Variants in TRDN observed in about 807,000 individuals in gnomAD.
TRDN encodes the protein triadin in skeletal muscle.
TRDN carries 161 observed loss-of-function variants against 149.7 expected under a neutral mutation model. The ratio of observed to expected loss-of-function variants is 1.08; its 90% CI spans 0.95 to 1.23. TRDN has a LOEUF of 1.23. TRDN is among the 50% of genes most tolerant of loss of function. The probability of loss-of-function intolerance (pLI) is 0.00; values close to 1 mark genes in which losing one functional copy is unlikely to be tolerated. For synonymous variants in TRDN, 294 were observed against 250.5 expected (o/e 1.17, Z -1.64); for missense variants, 896 against 823.5 (o/e 1.09, Z -1.08).
chr6:123,389,095 T>C (rs1474828241), intron 13 of TRDN, among the ~76,000 whole-genome samples: 1 of 152,122 alleles, frequency 6.6e-6, no homozygotes, highest in Non-Finnish European at 1.5e-5. Flanking sequence ...GAGAAAAAGG[T>C]ACAGAACACT....
chr6:123,273,150 G>A lies in TRDN; in HGVS notation c.1625-139C>T, dbSNP rs528200871. ...CCTTGTTTCTATGTAAAACTTAAAG[G>A]TTTTAGTTCATGAAAACAATATGCC... On this transcript the variant is annotated intron_variant, in intron 28 of 40. Coordinates refer to ENST00000334268, the MANE Select transcript of TRDN (RefSeq NM_006073.4). The A allele has an allele frequency of 1.0e-4, 77 of 749,442 alleles. No individual in the cohort carries two copies. The South Asian group carries it at 1.9e-3, about 18-fold the overall frequency. 46.4% of individuals were successfully genotyped at this position (749,442 alleles called of 1,614,324 possible).
At chr6:123,547,219 C>G in intron 4 of TRDN, 121 bp downstream of exon 4, 1 of 598,676 alleles carries the variant, frequency 1.7e-6, no homozygotes, top group South Asian at 2.6e-5. Flanking sequence ...GACTATAAAT[C>G]TTGACCTAAT....
At chr6:123,519,661 T>C (rs1419405044) in intron 5 of TRDN, among the ~76,000 whole-genome samples, 1 of 151,950 alleles carries the variant, frequency 6.6e-6, no homozygotes, top group Non-Finnish European at 1.5e-5. Context: ...AGCAAATCAA[T>C]TCAACCAAAC....
intron 6 of TRDN, 94 bp from the exon 7 acceptor site, chr6:123,512,456 T>C: frequency 1.5e-6 from 1 of 672,192 alleles, no homozygotes; most frequent in Non-Finnish European, 2.5e-6. Flanking sequence ...TAAAACCTAA[T>C]CTGTAATATT....
chr6:123,375,396 C>G (rs1029995996), intron 19 of TRDN, among the ~76,000 whole-genome samples: 11 of 152,006 alleles, frequency 7.2e-5, no homozygotes, highest in African/African-American at 2.7e-4. Context: ...GCCAAATTAA[C>G]AAATGAAAGC....
rs182868950 is a variant in TRDN at position 123,406,969 on chromosome 6, A to G, written c.1052-13292T>C. Among the ~76,000 whole-genome samples, 210 of 152,136 alleles carry G rather than the reference A, an allele frequency of 1.4e-3. 2 individuals are homozygous for G. Among genetic ancestry groups the G allele is most frequent in the African/African-American group, 4.8e-3 (199 of 41,494 alleles). On this transcript the variant is annotated intron_variant, in intron 12 of 40. Coordinates refer to ENST00000334268, the MANE Select transcript of TRDN (RefSeq NM_006073.4). Reference sequence around the variant, plus strand: ...TAGGAAAAAGAGAAAAGAAACCCACAATACCTTCCCACCTTCAGGCTCCAA... The same window carrying G: ...TAGGAAAAAGAGAAAAGAAACCCACGATACCTTCCCACCTTCAGGCTCCAA...
intron 5 of TRDN, chr6:123,529,509 G>A (rs1780123268): frequency 1.4e-6 from 1 of 718,746 alleles, no homozygotes; most frequent in Admixed American, 2.2e-5. Context: ...GAAAGCACAT[G>A]AAGTATATTT....
chr6:123,626,829 T>C (rs975226765), intron 1 of TRDN, among the ~76,000 whole-genome samples: 1 of 151,986 alleles, frequency 6.6e-6, no homozygotes, highest in Non-Finnish European at 1.5e-5. Flanking sequence ...GAGAAAGTTG[T>C]CAATATAGTT....
At chr6:123,620,224 C>T (rs187802390) in intron 1 of TRDN, among the ~76,000 whole-genome samples, 2 of 152,204 alleles carry the variant, frequency 1.3e-5, no homozygotes, top group Admixed American at 6.5e-5. Flanking sequence ...AAAACTTCAA[C>T]GTGTGTCAGA....
chr6:123,489,343 T>C (rs1048601474), intron 9 of TRDN, among the ~76,000 whole-genome samples: 1 of 152,128 alleles, frequency 6.6e-6, no homozygotes, highest in African/African-American at 2.4e-5. Context: ...AAGTGAAGGA[T>C]TTAAATCTTG....
At chr6:123,390,753 A>C (rs1782078579) in intron 13 of TRDN, among the ~76,000 whole-genome samples, 1 of 152,072 alleles carries the variant, frequency 6.6e-6, no homozygotes, top group Non-Finnish European at 1.5e-5. Flanking sequence ...CTGTTATGGG[A>C]TTGGATGACT....
At chr6:123,418,605 T>G (rs1202874057) in intron 12 of TRDN, 1 of 152,052 alleles carries the variant, frequency 6.6e-6, no homozygotes, top group Non-Finnish European at 1.5e-5. Context: ...TACAAGAATC[T>G]CAGAATCTTG....
At chr6:123,419,889 C>A (rs533894638) in intron 12 of TRDN, among the ~76,000 whole-genome samples, 3 of 152,288 alleles carry the variant, frequency 2.0e-5, no homozygotes, top group Admixed American at 2.0e-4. Context: ...CTAATTCCTT[C>A]CTACATCAGC....
intron 14 of TRDN, among the ~76,000 whole-genome samples, chr6:123,385,116 A>G (rs1044729232): frequency 1.3e-5 from 2 of 152,202 alleles, no homozygotes; most frequent in Non-Finnish European, 2.9e-5. Flanking sequence ...TATTATGTTC[A>G]TAAGTGATGC....
At chr6:123,442,986 G>A (rs1775015449) in intron 10 of TRDN, among the ~76,000 whole-genome samples, 1 of 152,026 alleles carries the variant, frequency 6.6e-6, no homozygotes, top group African/African-American at 2.4e-5. Context: ...AACCATAAAA[G>A]GCAGAGAAAT....
intron 4 of TRDN, among the ~76,000 whole-genome samples, chr6:123,537,103 G>A (rs1780589546): frequency 6.6e-6 from 1 of 151,966 alleles, no homozygotes; most frequent in Non-Finnish European, 1.5e-5. Context: ...AGTATATTAT[G>A]CCTATAATAA....
intron 7 of TRDN, among the ~76,000 whole-genome samples, chr6:123,510,994 A>C (rs1482535102): frequency 2.0e-5 from 3 of 152,068 alleles, no homozygotes; most frequent in Non-Finnish European, 1.5e-5. Flanking sequence ...GAAGTTGTCT[A>C]TTTGTCTATT....
chr6:123,601,017 G>A lies in TRDN; in HGVS notation c.23-29885C>T, dbSNP rs1027831063. 5.3e-5 allele frequency among the ~76,000 whole-genome samples: 8 copies of A among 151,964 alleles called. No individual in the cohort carries two copies. The East Asian group carries it at 1.2e-3, about 22-fold the overall frequency. ...TGAAAATACTTGGAAAAACATACAT[G>A]TTGTATCTACCTAATTCCTTATTTT... is the stretch of plus-strand genomic sequence containing the variant. On this transcript the variant is annotated intron_variant, in intron 1 of 40. Transcript: ENST00000334268.
At chr6:123,585,289 G>A (rs1386993436) in intron 1 of TRDN, among the ~76,000 whole-genome samples, 5 of 151,836 alleles carry the variant, frequency 3.3e-5, no homozygotes, top group Non-Finnish European at 7.4e-5. Context: ...GGCAGGTGGG[G>A]ATAATTAAAA....
Sources: allele counts gnomAD v4.1 joint callset (sites outside exome capture counted in the v4.1 genomes callset), GRCh38; gene constraint gnomAD v4.1.1; transcripts MANE v1.5; gene names NCBI Gene and HGNC (gene_info 2026-07-23, HGNC 2026-07-21).